The following NOS1AP variants were observed in gnomAD, a reference collection of about 807,000 sequenced individuals.
NOS1AP encodes nitric oxide synthase 1 adaptor protein, also known as carboxyl-terminal PDZ ligand of neuronal nitric oxide synthase protein.
A neutral mutation model predicts 56.2 loss-of-function variants in NOS1AP; 21 were observed. That is an observed-to-expected ratio of 0.37 (90% CI 0.26 to 0.54). The LOEUF (loss-of-function observed/expected upper bound fraction) is 0.54. NOS1AP is among the 20% of genes least tolerant of loss of function. The pLI is 0.84. For synonymous variants in NOS1AP, 270 were observed against 274.6 expected, an observed-to-expected ratio of 0.98 and a Z score of 0.17; for missense variants, 522 against 657.8, an observed-to-expected ratio of 0.79 and a Z score of 2.26.
intron 2 of NOS1AP, among the ~76,000 whole-genome samples, chr1:162,215,274 G>A (rs1181725331): frequency 6.6e-6 from 1 of 152,218 alleles, no homozygotes; most frequent in Non-Finnish European, 1.5e-5. Flanking sequence ...TCTTTCTGAG[G>A]CTTGCCAGAG....
intron 2 of NOS1AP, among the ~76,000 whole-genome samples, chr1:162,272,870 G>A (rs992645732): frequency 6.6e-5 from 10 of 152,286 alleles, no homozygotes; most frequent in South Asian, 2.1e-4. Flanking sequence ...CTACAGAGAC[G>A]TGTCTGGGCC....
Position 162,343,861 on chromosome 1 carries a change from G to A in NOS1AP, c.480G>A (p.Thr160=), listed in dbSNP as rs372370952. 35 of 1,614,008 alleles carry A rather than the reference G, an allele frequency of 2.2e-5. No homozygotes were observed. The highest frequency in any genetic ancestry group is 2.1e-4 in the African/African-American group (16 of 74,894). ...GCCAAGCTATGAGAATCGTTCGGAC[G>A]GTGGGGCAGGCCTTTGAGGTCTGCC... ...KKSQAMRIVR[T]VGQAFEVCHK... Residue 160 remains threonine (T), a synonymous_variant, in exon 6 of 10, where the codon ACG becomes ACA. Transcript: ENST00000361897.
chr1:162,315,444 C>A (rs1272117418), intron 4 of NOS1AP, among the ~76,000 whole-genome samples: 1 of 152,192 alleles, frequency 6.6e-6, no homozygotes, highest in Non-Finnish European at 1.5e-5. Flanking sequence ...TGTGTCCTGG[C>A]ACAATTGGGA....
At chr1:162,230,241 G>A (rs1302864926) in intron 2 of NOS1AP, among the ~76,000 whole-genome samples, 1 of 152,148 alleles carries the variant, frequency 6.6e-6, no homozygotes, top group Non-Finnish European at 1.5e-5. Context: ...ACCGGACGGA[G>A]GGGTGTATGC....
chr1:162,079,757 T>G (rs1396022187), intron 1 of NOS1AP, among the ~76,000 whole-genome samples: 1 of 152,204 alleles, frequency 6.6e-6, no homozygotes, highest in Non-Finnish European at 1.5e-5. Context: ...GTGCATGGTT[T>G]TAATCTATAG....
intron 1 of NOS1AP, among the ~76,000 whole-genome samples, chr1:162,133,841 A>G (rs1039141103): frequency 6.6e-6 from 1 of 152,194 alleles, no homozygotes; most frequent in Non-Finnish European, 1.5e-5. Flanking sequence ...CAAGGTATTT[A>G]TAGATTGTTG....
At chr1:162,364,949 G>T (rs1193258611) in intron 8 of NOS1AP, 35 of 1,029,468 alleles carry the variant, frequency 3.4e-5, no homozygotes, top group Non-Finnish European at 4.1e-5. Context: ...ATGAGTTTTG[G>T]TTTTGTTTTT....
rs75909661 is a variant in NOS1AP at position 162,205,873 on chromosome 1, A to T, written c.177+51397A>T. 2.8e-3 allele frequency among the ~76,000 whole-genome samples: 422 copies of T among 152,264 alleles called. 2 individuals carry two copies. The highest frequency in any genetic ancestry group is 9.7e-3 in the African/African-American group (405 of 41,548). On this transcript the variant is annotated intron_variant, in intron 2 of 9. Coordinates refer to ENST00000361897, the MANE Select transcript of NOS1AP (RefSeq NM_014697.3). The stretch of plus-strand genomic sequence containing the variant: ...GCCTAAACATTTGCTATCTGGCCTT[A>T]CACAGAAAAAGTTTGGCAGCCTCTG...
chr1:162,186,828 C>T (rs576044913), intron 2 of NOS1AP, among the ~76,000 whole-genome samples: 2 of 152,160 alleles, frequency 1.3e-5, no homozygotes, highest in Admixed American at 6.5e-5. Context: ...ATGACACTTT[C>T]GTTATAGCAA....
chr1:162,159,135 A>G (rs1192527396), intron 2 of NOS1AP, among the ~76,000 whole-genome samples: 1 of 152,124 alleles, frequency 6.6e-6, no homozygotes, highest in Non-Finnish European at 1.5e-5. Flanking sequence ...CAGCAGCCAG[A>G]TGTTTGGTAT....
At chr1:162,259,785 T>G (rs917836630) in intron 2 of NOS1AP, among the ~76,000 whole-genome samples, 1 of 152,244 alleles carries the variant, frequency 6.6e-6, no homozygotes, top group Admixed American at 6.5e-5. Flanking sequence ...TTTCTTAATT[T>G]TAATCTGGCT....
At chr1:162,077,350 GAAA>G (rs994563494) in intron 1 of NOS1AP, among the ~76,000 whole-genome samples, 1 of 145,644 alleles carries the variant, frequency 6.9e-6, no homozygotes, top group Non-Finnish European at 1.5e-5. Context: ...CAGACTCAGA[GAAA>G]AAAAAAAAGA....
At chr1:162,294,833 C>A (rs1021629240) in intron 3 of NOS1AP, among the ~76,000 whole-genome samples, 3 of 152,186 alleles carry the variant, frequency 2.0e-5, no homozygotes. Flanking sequence ...TAGACAGTTG[C>A]CCCTAGGACT....
chr1:162,301,870 C>T (rs1018452775), intron 4 of NOS1AP, among the ~76,000 whole-genome samples: 2 of 152,236 alleles, frequency 1.3e-5, no homozygotes, highest in African/African-American at 2.4e-5. Flanking sequence ...AAGTTGGCAG[C>T]ATGGTGGCCC....
At chr1:162,145,627 C>G (rs1347242650) in intron 1 of NOS1AP, among the ~76,000 whole-genome samples, 1 of 152,186 alleles carries the variant, frequency 6.6e-6, no homozygotes, top group Non-Finnish European at 1.5e-5. Flanking sequence ...AGAGCAGTTT[C>G]TGCAGGCAGG....
At chr1:162,252,833 G>A (rs1436504867) in intron 2 of NOS1AP, among the ~76,000 whole-genome samples, 3 of 151,958 alleles carry the variant, frequency 2.0e-5, no homozygotes, top group Non-Finnish European at 4.4e-5. Context: ...CAGTTTTTTG[G>A]TTGCACTTGC....
At chr1:162,209,101 G>A (rs1652258058) in intron 2 of NOS1AP, among the ~76,000 whole-genome samples, 1 of 152,202 alleles carries the variant, frequency 6.6e-6, no homozygotes, top group African/African-American at 2.4e-5. Flanking sequence ...TAAGCTTATG[G>A]GTAAGATTTT....
chr1:162,148,323 G>A (rs940681822), intron 1 of NOS1AP, among the ~76,000 whole-genome samples: 3 of 152,180 alleles, frequency 2.0e-5, no homozygotes, highest in Non-Finnish European at 4.4e-5. Flanking sequence ...TGGGAGGCAC[G>A]GTCAGCTAGT....
intron 2 of NOS1AP, among the ~76,000 whole-genome samples, chr1:162,196,180 A>G (rs1341370325): frequency 6.6e-6 from 1 of 152,090 alleles, no homozygotes; most frequent in African/African-American, 2.4e-5. Flanking sequence ...TCCCCCAGTC[A>G]TGTTTGGAGG....
Sources: gnomAD v4.1 joint callset for allele counts (sites outside exome capture counted in the v4.1 genomes callset) on GRCh38, gnomAD v4.1.1 for gene constraint, MANE v1.5 for transcripts, NCBI Gene and HGNC (gene_info 2026-07-23, HGNC 2026-07-21) for gene names.